CACNA1A: variants seen among roughly 807,000 people sequenced by gnomAD.
CACNA1A encodes the protein calcium voltage-gated channel subunit alpha1 A.
Under a neutral mutation model 262.4 loss-of-function variants are expected in CACNA1A, and 57 were observed. The ratio of observed to expected loss-of-function variants is 0.22; its 90% CI spans 0.18 to 0.27. The LOEUF (loss-of-function observed/expected upper bound fraction) is 0.27, where lower values mean the gene tolerates loss of function less well. Among genes scored for constraint, CACNA1A ranks in the 10% least tolerant of loss-of-function variants. The probability of loss-of-function intolerance (pLI) is 1.00; values close to 1 mark genes in which losing one functional copy is unlikely to be tolerated. For synonymous variants in CACNA1A, 1,431 were observed against 1,419.3 expected, an observed-to-expected ratio of 1.01 and a Z score of -0.18; for missense variants, 2,526 against 3,562.8, an observed-to-expected ratio of 0.71 and a Z score of 7.41.
chr19:13,430,544 G>A (rs1161195503), intron 3 of CACNA1A, among the ~76,000 whole-genome samples: 1 of 152,134 alleles, frequency 6.6e-6, no homozygotes. Context: ...ACATGGACAG[G>A]GGGTGAGGAT....
chr19:13,449,587 A>G (rs921805919), intron 3 of CACNA1A, among the ~76,000 whole-genome samples: 1 of 152,230 alleles, frequency 6.6e-6, no homozygotes, highest in South Asian at 2.1e-4. Context: ...CTAGGATTAC[A>G]GGTGTGAGCC....
At chr19:13,433,178 A>C (rs2060545167) in intron 3 of CACNA1A, among the ~76,000 whole-genome samples, 1 of 151,714 alleles carries the variant, frequency 6.6e-6, no homozygotes, top group East Asian at 1.9e-4. Context: ...CTGTAATCCC[A>C]GCTACTCGAG....
At chr19:13,467,674 G>C (rs1046110392) in intron 1 of CACNA1A, among the ~76,000 whole-genome samples, 3 of 150,482 alleles carry the variant, frequency 2.0e-5, no homozygotes, top group Non-Finnish European at 4.4e-5. Context: ...GGGTGATCTC[G>C]GCTCACTGCA....
chr19:13,359,847 C>T (rs376439725), intron 5 of CACNA1A, 48 bp from the exon 6 acceptor site: 2 of 1,356,024 alleles, frequency 1.5e-6, no homozygotes, highest in Middle Eastern at 1.9e-4. Context: ...CAGGGAAAAC[C>T]AGCTCTGAGA....
chr19:13,431,908 C>T (rs955809896), intron 3 of CACNA1A, among the ~76,000 whole-genome samples: 5 of 151,730 alleles, frequency 3.3e-5, no homozygotes, highest in African/African-American at 1.2e-4. Context: ...AGATTGACAC[C>T]ATCCTGGCCA....
intron 31 of CACNA1A, among the ~76,000 whole-genome samples, chr19:13,243,334 G>A (rs975244332): frequency 1.3e-5 from 2 of 152,196 alleles, no homozygotes; most frequent in African/African-American, 4.8e-5. Context: ...TTGGGTGCGG[G>A]TGCCGTAGGA....
intron 3 of CACNA1A, among the ~76,000 whole-genome samples, chr19:13,444,693 T>C (rs958224679): frequency 1.3e-5 from 2 of 152,080 alleles, no homozygotes; most frequent in Admixed American, 6.6e-5. Context: ...CCACTTCCAT[T>C]GCCCAAAAAG....
At chr19:13,485,298 A>G (rs565448174) in intron 1 of CACNA1A, among the ~76,000 whole-genome samples, 9 of 152,332 alleles carry the variant, frequency 5.9e-5, no homozygotes, top group African/African-American at 1.9e-4. Flanking sequence ...AATAACATAA[A>G]ATATATCCAT....
intron 1 of CACNA1A, among the ~76,000 whole-genome samples, chr19:13,493,285 C>CA (rs1448700463): frequency 6.6e-6 from 1 of 152,208 alleles, no homozygotes; most frequent in Non-Finnish European, 1.5e-5. Flanking sequence ...AAACCCATGA[C>CA]ATCGATTACA....
intron 1 of CACNA1A, among the ~76,000 whole-genome samples, chr19:13,463,795 G>C (rs942065148): frequency 6.6e-6 from 1 of 152,194 alleles, no homozygotes; most frequent in South Asian, 2.1e-4. Flanking sequence ...TCTACTCAGG[G>C]CTGCTAAATC....
At chr19:13,228,607 T>TATATATATATATATATGAA (rs1568440301) in intron 36 of CACNA1A, 3 of 59,956 alleles carry the variant, frequency 5.0e-5, no homozygotes, top group Non-Finnish European at 1.3e-4. Context: ...GAGAGAGAGA[T>TATATATATATATATATGAA]ATATATATAT....
chr19:13,227,285 AAAAAAAGAATCAAAAAC>A (rs2055489902), intron 37 of CACNA1A, 129 bp downstream of exon 37: 1 of 449,150 alleles, frequency 2.2e-6, no homozygotes, highest in Non-Finnish European at 4.1e-6. Context: ...CGAGAAAAGA[AAAAAAAGAATCAAAAAC>A]AAAAAAGAAG....
In CACNA1A at chr19:13,285,142, TTCC is replaced by T. The variant is rs750826355; in HGVS notation, c.3615_3617del (p.Glu1206del). 3.1e-5 allele frequency: 50 copies of T among 1,613,894 alleles called. No individual in the cohort carries two copies. The highest frequency in any genetic ancestry group is 1.6e-4 in the African/African-American group (12 of 75,032). Reference sequence around the variant, plus strand: ...TAGGGCCGTCTTCCCCACGGTCGTCTTCCTCCTCCTCCTTCTTCTCTTCCTCTT... The same window carrying T: ...TAGGGCCGTCTTCCCCACGGTCGTCTTCCTCCTCCTTCTTCTCTTCCTCTT... On this transcript the variant is annotated inframe_deletion, in exon 21 of 47. Coordinates refer to ENST00000360228, the MANE Select transcript of CACNA1A (RefSeq NM_001127222.2).
At chr19:13,440,753 C>T (rs1362454408) in intron 3 of CACNA1A, among the ~76,000 whole-genome samples, 1 of 152,170 alleles carries the variant, frequency 6.6e-6, no homozygotes, top group East Asian at 1.9e-4. Context: ...ATGGGTCAGA[C>T]ATTAACTCAT....
rs2144726167 is a variant in CACNA1A at position 13,253,065 on chromosome 19, G to T, written c.4792C>A (p.Arg1598=). The change falls in exon 30 of 47, where the codon CGG becomes AGG. Residue 1598 remains arginine (R), a synonymous_variant. Transcript: ENST00000360228. ...GASVAYENAL[R]VFNIVFTSLF... The stretch of plus-strand genomic sequence containing the variant: ...GAGGTGAAGACGATGTTGAACACCC[G>T]CAGGGCATTTTCATAAGCAACAGAA... The T allele has an allele frequency of 6.2e-7, 1 of 1,613,396 alleles. No homozygotes were observed. Among genetic ancestry groups the T allele is most frequent in the Non-Finnish European group, 8.5e-7 (1 of 1,179,454 alleles).
chr19:13,285,422 G>A (rs2057377596), intron 20 of CACNA1A, among the ~76,000 whole-genome samples: 1 of 152,148 alleles, frequency 6.6e-6, no homozygotes, highest in Non-Finnish European at 1.5e-5. Flanking sequence ...GAGGCACAGA[G>A]AAGTAAAGTG....
At chr19:13,456,106 T>C (rs1337264725) in intron 1 of CACNA1A, among the ~76,000 whole-genome samples, 1 of 151,538 alleles carries the variant, frequency 6.6e-6, no homozygotes, top group Non-Finnish European at 1.5e-5. Flanking sequence ...GCCGAGATCA[T>C]GCCACTGCAC....
chr19:13,233,283 A>T (rs2055738379), intron 34 of CACNA1A, among the ~76,000 whole-genome samples: 1 of 152,120 alleles, frequency 6.6e-6, no homozygotes, highest in South Asian at 2.1e-4. Flanking sequence ...ACACTTTCAG[A>T]GAGGCATAAC....
At chr19:13,232,780 G>A (rs1030943762) in intron 34 of CACNA1A, among the ~76,000 whole-genome samples, 2 of 150,236 alleles carry the variant, frequency 1.3e-5, no homozygotes, top group African/African-American at 4.9e-5. Context: ...CGGGTGCAGT[G>A]GCTCATGCCT....
Sources: allele counts gnomAD v4.1 joint callset (sites outside exome capture counted in the v4.1 genomes callset), GRCh38; gene constraint gnomAD v4.1.1; transcripts MANE v1.5; gene names NCBI Gene and HGNC (gene_info 2026-07-23, HGNC 2026-07-21).